NRXN3: variants seen among roughly 807,000 people sequenced by gnomAD.
NRXN3 encodes the protein neurexin III.
NRXN3 carries 32 observed loss-of-function variants against 137.6 expected under a neutral mutation model. The ratio of observed to expected loss-of-function variants is 0.23; its 90% confidence interval spans 0.18 to 0.31. NRXN3 has a LOEUF of 0.31. Among genes scored for constraint, NRXN3 ranks in the 10% least tolerant of loss-of-function variants. The pLI is 1.00. For missense variants in NRXN3, 1,574 were observed against 2,062.5 expected, an observed-to-expected ratio of 0.76 and a Z score of 4.59; for synonymous variants, 798 against 784.5, an observed-to-expected ratio of 1.02 and a Z score of -0.29.
At chr14:79,262,191 C>A (rs1472754699) in intron 15 of NRXN3, among the ~76,000 whole-genome samples, 1 of 152,138 alleles carries the variant, frequency 6.6e-6, no homozygotes, top group African/African-American at 2.4e-5. Context: ...CTCCTGCCCA[C>A]AACTTCTTTT....
rs537778963 is a variant in NRXN3 at position 79,272,116 on chromosome 14, C to T, written c.3263-195105C>T. ...AGTAGATCAATTCCATTCTCTATTCCCCTGTGTGCTTTGTTTATACCTTTG... is the reference window on the plus strand; with the variant it reads ...AGTAGATCAATTCCATTCTCTATTCTCCTGTGTGCTTTGTTTATACCTTTG... On this transcript the variant is annotated intron_variant, in intron 15 of 20. Coordinates refer to ENST00000335750, the MANE Select transcript of NRXN3 (RefSeq NM_001330195.2). Among the ~76,000 whole-genome samples the T allele has an allele frequency of 2.0e-5, 3 of 152,228 alleles. No individual in the cohort carries two copies. In the East Asian group the frequency reaches 5.8e-4, roughly 29 times the overall value.
intron 19 of NRXN3, among the ~76,000 whole-genome samples, chr14:79,733,436 T>A (rs1348548855): frequency 1.3e-5 from 2 of 152,128 alleles, no homozygotes; most frequent in African/African-American, 4.8e-5. Flanking sequence ...AGGGGTATCC[T>A]TTTTTTCCTT....
At chr14:79,287,970 G>A (rs979367340) in intron 15 of NRXN3, among the ~76,000 whole-genome samples, 14 of 152,088 alleles carry the variant, frequency 9.2e-5, no homozygotes, top group Admixed American at 3.3e-4. Context: ...TGAGTGAGAT[G>A]ATCTCTCCAA....
At chr14:79,411,166 C>A (rs1431533643) in intron 15 of NRXN3, among the ~76,000 whole-genome samples, 1 of 152,082 alleles carries the variant, frequency 6.6e-6, no homozygotes, top group Non-Finnish European at 1.5e-5. Context: ...TCAGAGTTTG[C>A]AAGCATGTGG....
intron 10 of NRXN3, among the ~76,000 whole-genome samples, chr14:78,820,607 A>G (rs1255789114): frequency 6.6e-6 from 1 of 152,118 alleles, no homozygotes; most frequent in Non-Finnish European, 1.5e-5. Flanking sequence ...ATATCTGTTC[A>G]GAAAATCATT....
chr14:79,223,391 G>A (rs1452354719), intron 15 of NRXN3, among the ~76,000 whole-genome samples: 1 of 152,012 alleles, frequency 6.6e-6, no homozygotes, highest in Non-Finnish European at 1.5e-5. Flanking sequence ...TTCCTGCTAG[G>A]CATTTCTAAC....
At position 79,423,534 on chromosome 14, in the gene NRXN3, A is replaced by G. The variant is rs2095612241; in HGVS notation, c.3263-43687A>G. 4.6e-5 allele frequency among the ~76,000 whole-genome samples: 7 copies of G among 152,226 alleles called. No individual in the cohort carries two copies. The South Asian group carries it at 1.4e-3, about 31-fold the overall frequency. On this transcript the variant is annotated intron_variant, in intron 15 of 20. Transcript: ENST00000335750. ...GGACCAGTACTAGAATGGTTAAGTT[A>G]CTGGTTGGAAACTTCAGTGTGCTTG...
At chr14:79,016,422 C>G (rs143745676) in intron 15 of NRXN3, among the ~76,000 whole-genome samples, 96 of 152,304 alleles carry the variant, frequency 6.3e-4, no homozygotes, top group African/African-American at 2.3e-3. Context: ...ACCTCTTACA[C>G]AGTAAATTTG....
At chr14:78,789,721 A>C (rs879451186) in intron 8 of NRXN3, among the ~76,000 whole-genome samples, 8 of 152,166 alleles carry the variant, frequency 5.3e-5, no homozygotes, top group African/African-American at 9.6e-5. Context: ...CATTTCATGC[A>C]CTTGTGAAAG....
In NRXN3 at chr14:79,831,656, G is replaced by A. The variant is rs527446414; in HGVS notation, c.4093+26466G>A. Among the ~76,000 whole-genome samples the A allele has an allele frequency of 5.9e-5, 9 of 152,232 alleles. No individual in the cohort carries two copies. The South Asian group carries it at 1.7e-3, about 28-fold the overall frequency. On this transcript the variant is annotated intron_variant, in intron 20 of 20. Coordinates refer to ENST00000335750, the MANE Select transcript of NRXN3 (RefSeq NM_001330195.2). ...ACTCTAAGAAATGATGAGGATGAGC[G>A]CTCTCAGTTTGTACCGACTACTCAT...
intron 4 of NRXN3, among the ~76,000 whole-genome samples, chr14:78,572,924 C>G (rs2096903068): frequency 6.6e-6 from 1 of 152,080 alleles, no homozygotes; most frequent in African/African-American, 2.4e-5. Context: ...TGTCCCTACC[C>G]AAATCTCACC....
At chr14:78,402,211 A>G (rs1427569753) in intron 4 of NRXN3, among the ~76,000 whole-genome samples, 1 of 152,248 alleles carries the variant, frequency 6.6e-6, no homozygotes, top group South Asian at 2.1e-4. Context: ...ATAAACTAGC[A>G]TCTTTGAAGA....
At chr14:78,822,785 A>T (rs1008476540) in intron 10 of NRXN3, among the ~76,000 whole-genome samples, 21 of 151,768 alleles carry the variant, frequency 1.4e-4, no homozygotes, top group Admixed American at 1.2e-3. Flanking sequence ...GATTCAGTCT[A>T]CTCCATTCCA....
intron 6 of NRXN3, among the ~76,000 whole-genome samples, chr14:78,693,523 T>C (rs1344421796): frequency 6.6e-6 from 1 of 151,946 alleles, no homozygotes; most frequent in Non-Finnish European, 1.5e-5. Context: ...TAATCATCTA[T>C]TTTTTATTTT....
At chr14:79,599,758 G>A (rs1439680752) in intron 16 of NRXN3, among the ~76,000 whole-genome samples, 2 of 152,220 alleles carry the variant, frequency 1.3e-5, no homozygotes, top group Non-Finnish European at 2.9e-5. Flanking sequence ...ACTTTGGGAG[G>A]CTGAGGCGGG....
chr14:79,278,859 G>C (rs4903842), intron 15 of NRXN3, among the ~76,000 whole-genome samples: 12,026 of 152,238 alleles, frequency 0.079, 771 homozygotes, highest in Admixed American at 0.21. Flanking sequence ...AGACACACGC[G>C]CCTGGAGAGT....
At chr14:79,538,177 A>G (rs571541487) in intron 16 of NRXN3, among the ~76,000 whole-genome samples, 5 of 152,196 alleles carry the variant, frequency 3.3e-5, no homozygotes, top group African/African-American at 7.2e-5. Flanking sequence ...AGTTCATTGT[A>G]GATTCTGGAT....
intron 3 of NRXN3, among the ~76,000 whole-genome samples, chr14:78,285,849 C>T (rs967209041): frequency 1.3e-5 from 2 of 152,134 alleles, no homozygotes; most frequent in Non-Finnish European, 2.9e-5. Context: ...ACCTCCATTG[C>T]GTGTAATTAG....
At chr14:78,618,335 G>C (rs542210104) in intron 4 of NRXN3, among the ~76,000 whole-genome samples, 8 of 151,752 alleles carry the variant, frequency 5.3e-5, no homozygotes, top group African/African-American at 1.9e-4. Context: ...TGTGGGCTAA[G>C]GTATGTATTT....
Sources: gnomAD v4.1 joint callset for allele counts (sites outside exome capture counted in the v4.1 genomes callset) on GRCh38, gnomAD v4.1.1 for gene constraint, MANE v1.5 for transcripts, NCBI Gene and HGNC (gene_info 2026-07-23, HGNC 2026-07-21) for gene names.